Variants in TJP2 observed in about 807,000 individuals in gnomAD.
TJP2 encodes Friedreich ataxia region gene X104 (tight junction protein ZO-2).
Under a neutral mutation model 133.1 loss-of-function variants are expected in TJP2, and 91 were observed. The observed-to-expected ratio is 0.68, with a 90% CI of 0.58 to 0.81. TJP2 has a LOEUF of 0.81. TJP2 is among the 40% of genes least tolerant of loss of function. TJP2 has a pLI of 0.00. For missense variants in TJP2, 1,541 were observed against 1,565.6 expected (o/e 0.98, Z 0.26); for synonymous variants, 592 against 583.4 (o/e 1.01, Z -0.21).
exon 1 of TJP2, chr9:69,121,505 A>G: frequency 6.9e-6 from 2 of 288,520 alleles, no homozygotes; most frequent in Non-Finnish European, 1.0e-5. Context: ...AATCACAATA[A>G]TATACGGGAG....
Position 69,252,829 on chromosome 9 carries a change from G to T in TJP2, c.3336G>T (p.Gln1112His), listed in dbSNP as rs1831437243. The change falls in exon 22 of 23, where the codon CAG becomes CAT. Residue 1112 changes from glutamine to histidine, a missense_variant. Transcript: ENST00000377245. ...AATTACCACAGATCGAAATTGCCCAGAAGCATCCTGATATCTATGCAGTTC... is the reference window on the plus strand; with the variant it reads ...AATTACCACAGATCGAAATTGCCCATAAGCATCCTGATATCTATGCAGTTC... ...EAQNARIEIA[Q>H]KHPDIYAVPI... 1 of 1,614,036 alleles carries T rather than the reference G, an allele frequency of 6.2e-7. No homozygotes were observed. The highest frequency in any genetic ancestry group is 1.7e-5 in the Admixed American group (1 of 59,990).
chr9:69,246,069 C>T lies in TJP2; in HGVS notation c.2567-621C>T, dbSNP rs537530488. 1.3e-4 allele frequency among the ~76,000 whole-genome samples: 20 copies of T among 152,128 alleles called. No individual in the cohort carries two copies. In the South Asian group the frequency reaches 1.9e-3, roughly 14 times the overall value. ...TTCCCTAAACAATATAGTATAACAA[C>T]GATTTGCGTAGCATTTACATTGTAT... On this transcript the variant is annotated intron_variant, in intron 17 of 22. Transcript: ENST00000377245.
intron 2 of TJP2, among the ~76,000 whole-genome samples, chr9:69,161,320 C>G (rs1446329286): frequency 6.6e-6 from 1 of 152,108 alleles, no homozygotes; most frequent in African/African-American, 2.4e-5. Flanking sequence ...CCTCCGCCTC[C>G]TGGGTTCAAG....
At position 69,183,805 on chromosome 9, in the gene TJP2, G is replaced by A. The variant is rs181724322; in HGVS notation, c.60+9373G>A. ...GCTGGAGTGCAGTGGCATGATCTCAGCTCATTGCGACCTGTGCCTCCCAGG... is the reference window on the plus strand; with the variant it reads ...GCTGGAGTGCAGTGGCATGATCTCAACTCATTGCGACCTGTGCCTCCCAGG... On this transcript the variant is annotated intron_variant, in intron 1 of 22. Coordinates refer to ENST00000377245, the MANE Select transcript of TJP2 (RefSeq NM_004817.4). Among the ~76,000 whole-genome samples the A allele has an allele frequency of 7.6e-4, 116 of 152,308 alleles. 1 individual carries two copies. The highest frequency in any genetic ancestry group is 2.6e-3 in the African/African-American group (108 of 41,578).
At chr9:69,209,823 C>T (rs1477977034) in intron 1 of TJP2, among the ~76,000 whole-genome samples, 1 of 151,970 alleles carries the variant, frequency 6.6e-6, no homozygotes, top group East Asian at 1.9e-4. Flanking sequence ...ATTTATTGTG[C>T]TTCCACATAT....
exon 2 of TJP2, chr9:69,151,683 G>T (rs1335714381): frequency 4.9e-6 from 6 of 1,231,982 alleles, no homozygotes; most frequent in Non-Finnish European, 6.1e-6. Context: ...TCATCTCCCT[G>T]TGAGTGGGAT....
Position 69,219,847 on chromosome 9 carries a change from T to C in TJP2, c.343-1040T>C, listed in dbSNP as rs561536947. Among the ~76,000 whole-genome samples, 5 of 147,500 alleles carry C rather than the reference T, an allele frequency of 3.4e-5. No individual in the cohort carries two copies. In the South Asian group the frequency reaches 1.1e-3, roughly 33 times the overall value. ...GGGTTCCTCTTTCCCCTTGCCCCTC[T>C]ACCCCACCCCCCACTTTAAAAATGG... is the stretch of plus-strand genomic sequence containing the variant. On this transcript the variant is annotated intron_variant, in intron 4 of 22. Transcript: ENST00000377245.
At chr9:69,245,552 G>A (rs1830863622) in intron 17 of TJP2, among the ~76,000 whole-genome samples, 1 of 152,166 alleles carries the variant, frequency 6.6e-6, no homozygotes, top group East Asian at 1.9e-4. Flanking sequence ...CTAAATTTCT[G>A]TTTTTAGATG....
chr9:69,241,331 T>G (rs1244702399), intron 17 of TJP2, among the ~76,000 whole-genome samples: 2 of 152,214 alleles, frequency 1.3e-5, no homozygotes, highest in African/African-American at 4.8e-5. Context: ...GGCATTATTT[T>G]GTTGGGGCAA....
intron 1 of TJP2, among the ~76,000 whole-genome samples, chr9:69,174,927 T>A (rs1824963543): frequency 8.7e-6 from 1 of 115,198 alleles, no homozygotes; most frequent in African/African-American, 3.2e-5. Context: ...TTTTTTTTTT[T>A]TCCAGTAGGG....
At chr9:69,188,131 T>A (rs1218777818) in intron 1 of TJP2, among the ~76,000 whole-genome samples, 1 of 152,190 alleles carries the variant, frequency 6.6e-6, no homozygotes, top group Non-Finnish European at 1.5e-5. Flanking sequence ...TAAGTGGAAC[T>A]TCTGATCTGT....
intron 1 of TJP2, among the ~76,000 whole-genome samples, chr9:69,209,192 G>T (rs1317306356): frequency 6.6e-6 from 1 of 152,006 alleles, no homozygotes; most frequent in Non-Finnish European, 1.5e-5. Flanking sequence ...GAGTGCAGTG[G>T]CGCAATCTCA....
intron 1 of TJP2, chr9:69,204,919 G>A: frequency 1.6e-6 from 2 of 1,245,392 alleles, no homozygotes; most frequent in Middle Eastern, 3.1e-4. Flanking sequence ...GAGAGAGAGG[G>A]AGAGAAAGAA....
upstream of TJP2, chr9:69,174,146 C>G: frequency 7.9e-7 from 1 of 1,260,308 alleles, no homozygotes; most frequent in Non-Finnish European, 9.9e-7. Flanking sequence ...TTGACAGTTT[C>G]CCGGGCCGGG....
Position 69,221,286 on chromosome 9 carries a change from G to C in TJP2, c.742G>C (p.Asp248His). ...CAGCCGCGGCCGGAGCATTGACCAG[G>C]ACTACGAGCGAGCCTATCACCGGGC... ...DRSRGRSIDQ[D>H]YERAYHRAYD... is the part of the protein sequence containing the mutation. The change falls in exon 5 of 23, where the codon GAC becomes CAC. Residue 248 changes from aspartate to histidine, a missense_variant. Coordinates refer to ENST00000377245, the MANE Select transcript of TJP2 (RefSeq NM_004817.4). The C allele has an allele frequency of 6.2e-7, 1 of 1,607,572 alleles. No homozygotes were observed. The highest frequency in any genetic ancestry group is 8.5e-7 in the Non-Finnish European group (1 of 1,177,416).
exon 1 of TJP2, chr9:69,121,533 G>A: frequency 9.8e-6 from 2 of 203,276 alleles, no homozygotes; most frequent in South Asian, 1.7e-4. Flanking sequence ...GGAGGCCGCT[G>A]GCGCCCTCCC....
intron 1 of TJP2, among the ~76,000 whole-genome samples, chr9:69,203,643 T>C (rs1422799935): frequency 9.8e-6 from 1 of 102,314 alleles, no homozygotes; most frequent in Non-Finnish European, 1.9e-5. Context: ...AGACAGGGTC[T>C]CGCTCTATGG....
chr9:69,151,453 C>T (rs953023881), intron 1 of TJP2, among the ~76,000 whole-genome samples: 3 of 106,796 alleles, frequency 2.8e-5, no homozygotes, highest in Admixed American at 1.2e-4. Flanking sequence ...GCACTCTAGC[C>T]TGGGCAACAA....
Position 69,158,212 on chromosome 9 carries a change from C to T in TJP2, c.-10+6441C>T, listed in dbSNP as rs150706611. On this transcript the variant is annotated intron_variant, in intron 2 of 5. Coordinates refer to the TJP2 transcript ENST00000423935. ...TGCACGCCTGTAATCCCAGCTATCC[C>T]AGCTACTCGGGAGGTTGAGGCAGGA... Among the ~76,000 whole-genome samples, 628 of 151,168 alleles carry T rather than the reference C, an allele frequency of 4.2e-3. 9 individuals carry two copies. The highest frequency in any genetic ancestry group is 0.014 in the African/African-American group (591 of 41,196).
Sources: gnomAD v4.1 joint callset for allele counts (sites outside exome capture counted in the v4.1 genomes callset) on GRCh38, gnomAD v4.1.1 for gene constraint, MANE v1.5 for transcripts, NCBI Gene and HGNC (gene_info 2026-07-23, HGNC 2026-07-21) for gene names.